The following NRG3 variants were observed in gnomAD, a reference collection of about 807,000 sequenced individuals.
The protein encoded by NRG3 is neuregulin 3.
A neutral mutation model predicts 66.9 loss-of-function variants in NRG3; 31 were observed. The ratio of observed to expected loss-of-function variants is 0.46; its 90% CI spans 0.35 to 0.63. The LOEUF (loss-of-function observed/expected upper bound fraction) is 0.63. NRG3 is among the 20% of genes least tolerant of loss of function. The pLI is 0.00. For missense variants in NRG3, 910 were observed against 878.9 expected, an observed-to-expected ratio of 1.04 and a Z score of -0.45; for synonymous variants, 393 against 359.4, an observed-to-expected ratio of 1.09 and a Z score of -1.06.
At chr10:82,611,006 T>C (rs1322213932) in intron 2 of NRG3, among the ~76,000 whole-genome samples, 5 of 152,066 alleles carry the variant, frequency 3.3e-5, no homozygotes, top group Non-Finnish European at 7.4e-5. Flanking sequence ...AATATTTTAA[T>C]GATTATAAAT....
chr10:81,892,920 C>G (rs1251773901), intron 1 of NRG3, among the ~76,000 whole-genome samples: 1 of 152,138 alleles, frequency 6.6e-6, no homozygotes. Flanking sequence ...ATCAAATTAT[C>G]TCATGTAATC....
At chr10:81,933,087 A>G (rs1243899735) in intron 1 of NRG3, among the ~76,000 whole-genome samples, 4 of 150,338 alleles carry the variant, frequency 2.7e-5, no homozygotes, top group African/African-American at 9.8e-5. Context: ...CAGCCTGGGC[A>G]ACAGAGCAAC....
At chr10:82,975,078 T>C (rs557450760) in intron 7 of NRG3, among the ~76,000 whole-genome samples, 1 of 152,358 alleles carries the variant, frequency 6.6e-6, no homozygotes, top group African/African-American at 2.4e-5. Context: ...GATAATTGCT[T>C]TAGCTATTCT....
chr10:82,167,225 G>T (rs958261631), intron 1 of NRG3, among the ~76,000 whole-genome samples: 10 of 151,850 alleles, frequency 6.6e-5, no homozygotes, highest in East Asian at 1.9e-4. Flanking sequence ...AATTTTACTT[G>T]TTGGGAGATT....
chr10:82,894,455 C>G (rs1843456355), intron 4 of NRG3, among the ~76,000 whole-genome samples: 1 of 152,148 alleles, frequency 6.6e-6, no homozygotes, highest in Non-Finnish European at 1.5e-5. Flanking sequence ...CTCTACAAAT[C>G]TACATATAAA....
intron 3 of NRG3, among the ~76,000 whole-genome samples, chr10:82,847,726 A>T (rs1342657338): frequency 6.6e-6 from 1 of 152,210 alleles, no homozygotes; most frequent in Non-Finnish European, 1.5e-5. Context: ...GGCACCGACC[A>T]TGTCTTCAAC....
chr10:81,903,974 G>GTATATATATA (rs71007284), intron 1 of NRG3, among the ~76,000 whole-genome samples: 1 of 143,430 alleles, frequency 7.0e-6, no homozygotes, highest in Non-Finnish European at 1.5e-5. Context: ...TTCAGAGTGT[G>GTATATATATA]TATATATATA....
chr10:82,470,096 C>A (rs551523194), intron 2 of NRG3, among the ~76,000 whole-genome samples: 1 of 152,162 alleles, frequency 6.6e-6, no homozygotes, highest in Non-Finnish European at 1.5e-5. Flanking sequence ...CTCTTTATAA[C>A]CTGTTTCTGA....
At chr10:82,107,479 T>C (rs1230880945) in intron 1 of NRG3, among the ~76,000 whole-genome samples, 1 of 152,160 alleles carries the variant, frequency 6.6e-6, no homozygotes, top group East Asian at 1.9e-4. Flanking sequence ...TGCCAATTTC[T>C]GGGTACTCTC....
At chr10:82,091,681 T>C (rs1409124069) in intron 1 of NRG3, among the ~76,000 whole-genome samples, 1 of 152,196 alleles carries the variant, frequency 6.6e-6, no homozygotes, top group African/African-American at 2.4e-5. Flanking sequence ...GCCAAAAAAT[T>C]GAATTGCTGA....
In NRG3 at chr10:82,290,286, T is replaced by C. The variant is rs1427067265; in HGVS notation, c.824-68453T>C. 4.6e-5 allele frequency among the ~76,000 whole-genome samples: 7 copies of C among 152,234 alleles called. No homozygotes were observed. In the South Asian group the frequency reaches 6.2e-4, roughly 13 times the overall value. ...ATTATGATTTTTGCTGTCAAACTTATGTTAAAATTTCAGCAATAACAGTTT... is the reference window on the plus strand; with the variant it reads ...ATTATGATTTTTGCTGTCAAACTTACGTTAAAATTTCAGCAATAACAGTTT... On this transcript the variant is annotated intron_variant, in intron 1 of 8. Coordinates refer to ENST00000372141, the MANE Select transcript of NRG3 (RefSeq NM_001010848.4).
At chr10:81,977,620 C>A (rs998672712) in intron 1 of NRG3, among the ~76,000 whole-genome samples, 1 of 152,130 alleles carries the variant, frequency 6.6e-6, no homozygotes, top group Admixed American at 6.5e-5. Flanking sequence ...TTCCAAAATA[C>A]TCTTTGTCAT....
chr10:82,559,971 T>C (rs1313884005), intron 2 of NRG3, among the ~76,000 whole-genome samples: 1 of 152,012 alleles, frequency 6.6e-6, no homozygotes, highest in Non-Finnish European at 1.5e-5. Flanking sequence ...TTAATATATA[T>C]ATATAGTAAG....
intron 2 of NRG3, among the ~76,000 whole-genome samples, chr10:82,597,260 A>G (rs2047341437): frequency 6.6e-6 from 1 of 152,200 alleles, no homozygotes; most frequent in East Asian, 1.9e-4. Context: ...GGCAATATAC[A>G]TGAGGTTAGC....
At chr10:82,826,560 C>A (rs545304819) in intron 3 of NRG3, among the ~76,000 whole-genome samples, 1 of 152,256 alleles carries the variant, frequency 6.6e-6, no homozygotes, top group Non-Finnish European at 1.5e-5. Context: ...TACATATATA[C>A]CAGGGAATAC....
intron 3 of NRG3, among the ~76,000 whole-genome samples, chr10:82,831,566 A>G (rs1564545156): frequency 6.6e-6 from 1 of 152,184 alleles, no homozygotes. Flanking sequence ...CTGTAATCCC[A>G]ACAGTTTGGG....
At chr10:82,631,810 T>C (rs1221353799) in intron 2 of NRG3, among the ~76,000 whole-genome samples, 1 of 152,006 alleles carries the variant, frequency 6.6e-6, no homozygotes, top group African/African-American at 2.4e-5. Context: ...AATTTAAAAA[T>C]AACACCCATG....
At chr10:82,580,707 C>T (rs908673657) in intron 2 of NRG3, among the ~76,000 whole-genome samples, 18 of 151,880 alleles carry the variant, frequency 1.2e-4, no homozygotes, top group Non-Finnish European at 2.7e-4. Flanking sequence ...GGATTCTCTA[C>T]CTTTTTTTCA....
chr10:82,431,423 A>G (rs1225029875), intron 2 of NRG3, among the ~76,000 whole-genome samples: 3 of 152,224 alleles, frequency 2.0e-5, no homozygotes, highest in Non-Finnish European at 2.9e-5. Flanking sequence ...TGAAAATGCC[A>G]TAAAGCTCAC....
Sources: allele counts gnomAD v4.1 joint callset (sites outside exome capture counted in the v4.1 genomes callset), GRCh38; gene constraint gnomAD v4.1.1; transcripts MANE v1.5; gene names NCBI Gene and HGNC (gene_info 2026-07-23, HGNC 2026-07-21).